Variants in EYS observed in about 807,000 individuals in gnomAD.
EYS encodes protein eyes shut homolog.
Under a neutral mutation model 282.1 loss-of-function variants are expected in EYS, and 250 were observed. The ratio of observed to expected loss-of-function variants is 0.89; its 90% CI spans 0.80 to 0.98. The LOEUF (loss-of-function observed/expected upper bound fraction) is 0.98, where lower values mean the gene tolerates loss of function less well. Among genes scored for constraint, EYS ranks in the 50% least tolerant of loss-of-function variants. EYS has a pLI of 0.00. For synonymous variants in EYS, 1,355 were observed against 1,282.9 expected (o/e 1.06, Z -1.20); for missense variants, 4,016 against 3,709.0 (o/e 1.08, Z -2.15).
intron 12 of EYS, among the ~76,000 whole-genome samples, chr6:65,070,409 C>A (rs1444426974): frequency 6.6e-6 from 1 of 151,886 alleles, no homozygotes; most frequent in Non-Finnish European, 1.5e-5. Context: ...ACTTTCTTTG[C>A]ATCCACACTT....
chr6:64,315,110 A>G (rs1188575095), intron 29 of EYS, among the ~76,000 whole-genome samples: 1 of 152,210 alleles, frequency 6.6e-6, no homozygotes, highest in Non-Finnish European at 1.5e-5. Context: ...CCGATTTCAC[A>G]GAAATACAAA....
At chr6:64,972,279 CTATA>C (rs1770321199) in intron 14 of EYS, among the ~76,000 whole-genome samples, 1 of 152,094 alleles carries the variant, frequency 6.6e-6, no homozygotes, top group Non-Finnish European at 1.5e-5. Flanking sequence ...ATAGACTCTT[CTATA>C]ATACAGCTAC....
intron 12 of EYS, among the ~76,000 whole-genome samples, chr6:65,285,219 C>A (rs1293079288): frequency 1.3e-5 from 2 of 151,892 alleles, no homozygotes. Flanking sequence ...ATTTTGTGGC[C>A]TAATTATGTG....
intron 19 of EYS, among the ~76,000 whole-genome samples, chr6:64,862,984 T>TAA (rs1418095352): frequency 5.3e-5 from 8 of 152,290 alleles, no homozygotes; most frequent in Middle Eastern, 3.4e-3. Flanking sequence ...GGATATGTTG[T>TAA]TTTCAGCAAA....
chr6:65,073,674 T>C (rs1773965172), intron 12 of EYS, among the ~76,000 whole-genome samples: 1 of 151,710 alleles, frequency 6.6e-6, no homozygotes, highest in Non-Finnish European at 1.5e-5. Context: ...ATATGAAAAA[T>C]GAGATATTCT....
At chr6:65,159,682 T>G (rs1764807202) in intron 12 of EYS, among the ~76,000 whole-genome samples, 1 of 150,822 alleles carries the variant, frequency 6.6e-6, no homozygotes, top group Non-Finnish European at 1.5e-5. Context: ...CACTGCTAAG[T>G]CACTTAACAA....
chr6:64,446,517 T>G (rs1246675741), intron 26 of EYS, among the ~76,000 whole-genome samples: 1 of 151,704 alleles, frequency 6.6e-6, no homozygotes, highest in East Asian at 1.9e-4. Flanking sequence ...CAAATATATA[T>G]TTTTGAAAGT....
chr6:64,930,151 A>G (rs1423378682), intron 15 of EYS, among the ~76,000 whole-genome samples: 1 of 152,180 alleles, frequency 6.6e-6, no homozygotes, highest in East Asian at 1.9e-4. Context: ...ATAGTAATTT[A>G]TTCTACAAAT....
chr6:65,149,829 A>G (rs764137883), intron 12 of EYS, among the ~76,000 whole-genome samples: 6 of 152,154 alleles, frequency 3.9e-5, no homozygotes, highest in Non-Finnish European at 7.4e-5. Flanking sequence ...CACTGCTATG[A>G]AGAAATACCT....
At chr6:65,330,178 C>T (rs1226084723) in intron 11 of EYS, 9 of 979,490 alleles carry the variant, frequency 9.2e-6, no homozygotes, top group Non-Finnish European at 9.7e-6. Context: ...ATAATCTTAC[C>T]TATGTATAGT....
intron 5 of EYS, 151 bp from the exon 6 acceptor site, chr6:65,405,518 T>G (rs1582249640): frequency 3.0e-6 from 2 of 675,308 alleles, no homozygotes; most frequent in Non-Finnish European, 5.0e-6. Context: ...AGTTATATAT[T>G]ATAAAATTCA....
chr6:64,609,925 T>C (rs1044714333), intron 24 of EYS, among the ~76,000 whole-genome samples: 2 of 150,826 alleles, frequency 1.3e-5, no homozygotes, highest in Non-Finnish European at 3.0e-5. Context: ...TAACTATATA[T>C]AGACAATAAT....
intron 30 of EYS, among the ~76,000 whole-genome samples, chr6:64,275,442 G>A (rs539440233): frequency 4.5e-5 from 6 of 134,098 alleles, no homozygotes; most frequent in South Asian, 4.8e-4. Context: ...CACTTATCAT[G>A]TTCTATTTCT....
At chr6:65,545,593 GT>G (rs1768355802) in intron 2 of EYS, among the ~76,000 whole-genome samples, 1 of 152,066 alleles carries the variant, frequency 6.6e-6, no homozygotes, top group Non-Finnish European at 1.5e-5. Flanking sequence ...ACAACTTGCT[GT>G]TTTAAATTTC....
intron 6 of EYS, among the ~76,000 whole-genome samples, chr6:65,403,778 C>T (rs999958301): frequency 1.8e-4 from 28 of 151,852 alleles, no homozygotes; most frequent in Non-Finnish European, 3.1e-4. Flanking sequence ...GTTAAGCATA[C>T]ATCCACTAAA....
At chr6:63,975,924 G>C (rs1766813927) in intron 35 of EYS, among the ~76,000 whole-genome samples, 1 of 151,942 alleles carries the variant, frequency 6.6e-6, no homozygotes, top group African/African-American at 2.4e-5. Flanking sequence ...TACAAACCCA[G>C]ATGGCATAGC....
intron 19 of EYS, among the ~76,000 whole-genome samples, chr6:64,827,449 T>A (rs1307961204): frequency 1.3e-5 from 2 of 151,900 alleles, no homozygotes; most frequent in Non-Finnish European, 2.9e-5. Flanking sequence ...TTTTACTTCA[T>A]GAAAATGCCA....
chr6:65,385,409 T>C (rs114907085), intron 7 of EYS, among the ~76,000 whole-genome samples: 1 of 152,046 alleles, frequency 6.6e-6, no homozygotes, highest in Non-Finnish European at 1.5e-5. Context: ...TAATTTACCT[T>C]TCCTATAGTT....
intron 14 of EYS, among the ~76,000 whole-genome samples, chr6:64,996,873 A>G (rs1562293244): frequency 6.6e-6 from 1 of 152,156 alleles, no homozygotes; most frequent in Non-Finnish European, 1.5e-5. Context: ...TGCAAATATC[A>G]GTTCTGTTGT....
Sources: allele counts gnomAD v4.1 joint callset (sites outside exome capture counted in the v4.1 genomes callset), GRCh38; gene constraint gnomAD v4.1.1; transcripts MANE v1.5; gene names NCBI Gene and HGNC (gene_info 2026-07-23, HGNC 2026-07-21).